The following ZNF225 variants were observed in gnomAD, a reference collection of about 807,000 sequenced individuals.
The protein encoded by ZNF225 is zinc finger protein 225.
ZNF225 carries 6 observed loss-of-function variants against 12.0 expected under a neutral mutation model. The ratio of observed to expected loss-of-function variants is 0.50; its 90% CI spans 0.27 to 0.98. The LOEUF is 0.98. ZNF225 is among the 50% of genes least tolerant of loss of function. ZNF225 has a pLI of 0.11. For missense variants in ZNF225, 763 were observed against 848.2 expected (o/e 0.90, Z 1.25); for synonymous variants, 271 against 283.2 (o/e 0.96, Z 0.43).
chr19:44,119,319 C>T (rs922044429), intron 4 of ZNF225, among the ~76,000 whole-genome samples: 3 of 152,198 alleles, frequency 2.0e-5, no homozygotes, highest in African/African-American at 4.8e-5. Flanking sequence ...AATGACCACA[C>T]ATTTAGTCGA....
At chr19:44,128,017 T>C (rs1398866148) in intron 4 of ZNF225, among the ~76,000 whole-genome samples, 1 of 152,206 alleles carries the variant, frequency 6.6e-6, no homozygotes, top group East Asian at 1.9e-4. Flanking sequence ...GAAAAAACTT[T>C]CAATTCTCTG....
intron 4 of ZNF225, among the ~76,000 whole-genome samples, chr19:44,120,803 C>T (rs1318918989): frequency 1.3e-5 from 2 of 152,014 alleles, no homozygotes; most frequent in Non-Finnish European, 2.9e-5. Flanking sequence ...GAATTTGGTG[C>T]GCTCATCACC....
rs116982067 is a variant in ZNF225, at chr19:44,125,058, A to G, written c.236-5792A>G. On this transcript the variant is annotated intron_variant, in intron 4 of 4. Transcript: ENST00000262894. ...GAGGTGCCGTTGCATTCATCTTGCTATTTGTTGCCTGTGTACTTTGGTTTT... is the reference window on the plus strand; with the variant it reads ...GAGGTGCCGTTGCATTCATCTTGCTGTTTGTTGCCTGTGTACTTTGGTTTT... 3.3e-3 allele frequency among the ~76,000 whole-genome samples: 503 copies of G among 152,008 alleles called. 21 individuals carry two copies. In the East Asian group the frequency reaches 0.08, roughly 24 times the overall value.
At chr19:44,119,657 G>A (rs913265238) in intron 4 of ZNF225, among the ~76,000 whole-genome samples, 1 of 152,138 alleles carries the variant, frequency 6.6e-6, no homozygotes, top group East Asian at 1.9e-4. Context: ...TCTCTTTCTT[G>A]TTAGCTGATT....
chr19:44,119,391 G>A (rs891778919), intron 4 of ZNF225, among the ~76,000 whole-genome samples: 6 of 152,158 alleles, frequency 3.9e-5, no homozygotes, highest in African/African-American at 1.2e-4. Context: ...ACGTCTCACC[G>A]GACAATTATC....
Position 44,115,812 on chromosome 19 carries a change from T to C in ZNF225, c.-16T>C, listed in dbSNP as rs370014517. The C allele has an allele frequency of 6.2e-7, 1 of 1,612,800 alleles. No homozygotes were observed. Among genetic ancestry groups the C allele is most frequent in the African/African-American group, 1.3e-5 (1 of 74,878 alleles). Reference sequence around the variant, plus strand: ...ATCACTCAGGACTCTGAATATTCCCTGAAATAGGAGGAAAAATGACCACGT... The same window carrying C: ...ATCACTCAGGACTCTGAATATTCCCCGAAATAGGAGGAAAAATGACCACGT... On this transcript the variant is annotated 5_prime_UTR_variant, in exon 2 of 5. Coordinates refer to ENST00000262894, the MANE Select transcript of ZNF225 (RefSeq NM_013362.4).
chr19:44,130,819 G>C, intron 4 of ZNF225, 31 bp from the exon 5 acceptor site: 1 of 1,561,866 alleles, frequency 6.4e-7, no homozygotes, highest in Non-Finnish European at 8.6e-7. Context: ...AGCTTTACTT[G>C]CCCACATCTC....
chr19:44,115,361 G>A (rs955256557), intron 1 of ZNF225, among the ~76,000 whole-genome samples: 1 of 152,058 alleles, frequency 6.6e-6, no homozygotes, highest in African/African-American at 2.4e-5. Flanking sequence ...AATCCTCTTT[G>A]TCACCTCAAA....
intron 4 of ZNF225, 57 bp downstream of exon 4, chr19:44,118,631 T>C: frequency 6.6e-7 from 1 of 1,525,448 alleles, no homozygotes; most frequent in East Asian, 2.3e-5. Context: ...GTTTCACTTC[T>C]GTCCATTGCC....
intron 4 of ZNF225, among the ~76,000 whole-genome samples, chr19:44,120,619 A>T (rs1402054069): frequency 6.6e-6 from 1 of 152,174 alleles, no homozygotes; most frequent in African/African-American, 2.4e-5. Context: ...TGTGCAGTTC[A>T]CCTACATCCC....
At position 44,118,543 on chromosome 19, in the gene ZNF225, G is replaced by A; in HGVS notation, c.204G>A (p.Met68Ile). The change falls in exon 4 of 5, where the codon ATG (methionine) becomes ATA (isoleucine). Residue 68 changes from methionine to isoleucine, a missense_variant. Coordinates refer to ENST00000262894, the MANE Select transcript of ZNF225 (RefSeq NM_013362.4). Reference protein sequence around the residue: ...HFLKEEKFWMMETATQREGNL... With the variant: ...HFLKEEKFWMIETATQREGNL... ...TAAAGGAAGAAAAGTTTTGGATGAT[G>A]GAGACAGCAACCCAAAGAGAAGGGA... The A allele has an allele frequency of 1.9e-6, 3 of 1,613,248 alleles. No individual in the cohort carries two copies. Among genetic ancestry groups the A allele is most frequent in the Middle Eastern group, 1.7e-4 (1 of 6,056 alleles).
rs746700398 is a variant in ZNF225, at chr19:44,118,493, C to G, written c.154C>G (p.Leu52Val). 5.0e-6 allele frequency: 8 copies of G among 1,613,694 alleles called. No individual in the cohort carries two copies. The South Asian group carries it at 6.6e-5, about 13-fold the overall frequency. ...TTTCACGTTCACAGGGCATCAATCA[C>G]TCCACAGAGATACTTTCCACTTCCT... Reference protein sequence around the residue: ...RNLLSVGHQSLHRDTFHFLKE... With the variant: ...RNLLSVGHQSVHRDTFHFLKE... The change falls in exon 4 of 5, where the codon CTC (leucine) becomes GTC (valine). Residue 52 changes from leucine to valine, a missense_variant. Coordinates refer to ENST00000262894, the MANE Select transcript of ZNF225 (RefSeq NM_013362.4).
chr19:44,124,296 T>C (rs939970559), intron 4 of ZNF225, among the ~76,000 whole-genome samples: 2 of 152,236 alleles, frequency 1.3e-5, no homozygotes, highest in African/African-American at 4.8e-5. Context: ...GAGCAGATTA[T>C]TTAATTTCCA....
Position 44,118,525 on chromosome 19 carries a change from A to G in ZNF225, c.186A>G (p.Glu62=). 4 of 1,613,548 alleles carry G rather than the reference A, an allele frequency of 2.5e-6. No individual in the cohort carries two copies. Among genetic ancestry groups the G allele is most frequent in the Non-Finnish European group, 3.4e-6 (4 of 1,179,610 alleles). Residue 62 remains glutamate (E), a synonymous_variant, in exon 4 of 5, where the codon GAA becomes GAG. Transcript: ENST00000262894. ...LHRDTFHFLK[E]EKFWMMETAT... is the part of the protein sequence containing the mutation. The stretch of plus-strand genomic sequence containing the variant: ...GAGATACTTTCCACTTCCTAAAGGA[A>G]GAAAAGTTTTGGATGATGGAGACAG...
rs201668246 is a variant in ZNF225 at position 44,132,596 on chromosome 19, T to C, written c.1982T>C (p.Ile661Thr). The C allele has an allele frequency of 1.3e-5, 21 of 1,613,938 alleles. 1 individual carries two copies. Among genetic ancestry groups the C allele is most frequent in the Middle Eastern group, 3.3e-4 (2 of 6,084 alleles). ...CAATGTGAGGACTGTGGGAAGAGCA[T>C]TGTGCACAGTTCATGCCTTAAAGAC... The part of the protein sequence containing the change: ...LLQCEDCGKS[I>T]VHSSCLKDQQ... Residue 661 changes from isoleucine to threonine, a missense_variant, in exon 5 of 5, where the codon ATT becomes ACT. Ile to Thr is a moderately conservative substitution (Grantham distance 89, BLOSUM62 -1). Transcript: ENST00000262894.
chr19:44,124,155 A>G (rs989216063), intron 4 of ZNF225, among the ~76,000 whole-genome samples: 1 of 152,162 alleles, frequency 6.6e-6, no homozygotes, highest in Admixed American at 6.5e-5. Flanking sequence ...ATTTAGGGCT[A>G]TGAACTTTCC....
intron 3 of ZNF225, 79 bp from the exon 4 acceptor site, chr19:44,118,402 AC>A (rs1967986987): frequency 6.2e-7 from 1 of 1,610,780 alleles, no homozygotes; most frequent in Admixed American, 1.7e-5. Flanking sequence ...TGCATTGGGA[AC>A]CTAAGTTTCC....
rs945524364 is a variant in ZNF225, at chr19:44,115,747, T to A, written c.-68-13T>A. Reference sequence around the variant, plus strand: ...TTCATGTCTCTTTTTCTGCCTTCCCTGGTACTTTCCAGGCAGGATTCTGCT... The same window carrying A: ...TTCATGTCTCTTTTTCTGCCTTCCCAGGTACTTTCCAGGCAGGATTCTGCT... On this transcript the variant is annotated splice_polypyrimidine_tract_variant and intron_variant, in intron 1 of 4. Transcript: ENST00000262894. 3 of 1,434,772 alleles carry A rather than the reference T, an allele frequency of 2.1e-6. No individual in the cohort carries two copies. The highest frequency in any genetic ancestry group is 2.9e-6 in the Non-Finnish European group (3 of 1,048,652). 88.9% of individuals were successfully genotyped at this position (1,434,772 alleles called of 1,614,324 possible).
intron 4 of ZNF225, among the ~76,000 whole-genome samples, chr19:44,120,165 C>T (rs963384445): frequency 3.3e-5 from 5 of 152,052 alleles, no homozygotes; most frequent in Non-Finnish European, 4.4e-5. Context: ...TGCAGTGAGC[C>T]GAGATGGCGC....
Sources: allele counts gnomAD v4.1 joint callset (sites outside exome capture counted in the v4.1 genomes callset), GRCh38; gene constraint gnomAD v4.1.1; transcripts MANE v1.5; gene names NCBI Gene and HGNC (gene_info 2026-07-23, HGNC 2026-07-21).